KCNN2: variants seen among roughly 807,000 people sequenced by gnomAD.
The protein encoded by KCNN2 is potassium calcium-activated channel subfamily N member 2.
In KCNN2, 24 loss-of-function variants were observed where a neutral mutation model predicts 55.5. That is an observed-to-expected ratio of 0.43 (90% CI 0.31 to 0.61). The LOEUF (loss-of-function observed/expected upper bound fraction) is 0.61. Among genes scored for constraint, KCNN2 ranks in the 20% least tolerant of loss-of-function variants. KCNN2 has a pLI of 0.08. For synonymous variants in KCNN2, 431 were observed against 336.1 expected (o/e 1.28, Z -3.09); for missense variants, 754 against 853.6 (o/e 0.88, Z 1.45).
chr5:114,464,521 T>C (rs1054018836), intron 4 of KCNN2, among the ~76,000 whole-genome samples: 12 of 151,954 alleles, frequency 7.9e-5, no homozygotes, highest in African/African-American at 2.9e-4. Context: ...CAGTGGAGGG[T>C]GCACACCTTT....
At chr5:114,108,723 T>G (rs961674402) in intron 1 of KCNN2, among the ~76,000 whole-genome samples, 2 of 152,082 alleles carry the variant, frequency 1.3e-5, no homozygotes, top group African/African-American at 4.8e-5. Context: ...TATTGTTGAG[T>G]AATATGCCAT....
intron 2 of KCNN2, among the ~76,000 whole-genome samples, chr5:114,241,147 C>G (rs1030254991): frequency 6.6e-6 from 1 of 151,582 alleles, no homozygotes; most frequent in South Asian, 2.1e-4. Context: ...TGAAATATAA[C>G]AAACATATTT....
At chr5:114,204,831 A>G (rs1753738205) in intron 1 of KCNN2, among the ~76,000 whole-genome samples, 1 of 152,224 alleles carries the variant, frequency 6.6e-6, no homozygotes, top group Non-Finnish European at 1.5e-5. Flanking sequence ...TAATCCACTG[A>G]GATTTGGGGT....
At chr5:114,129,342 C>CA (rs1468437635) in intron 1 of KCNN2, among the ~76,000 whole-genome samples, 1 of 152,086 alleles carries the variant, frequency 6.6e-6, no homozygotes, top group Non-Finnish European at 1.5e-5. Flanking sequence ...AAAGAGAATA[C>CA]AAAAAATTTC....
intron 2 of KCNN2, among the ~76,000 whole-genome samples, chr5:114,388,536 T>G (rs1758353855): frequency 6.6e-6 from 1 of 152,138 alleles, no homozygotes; most frequent in Non-Finnish European, 1.5e-5. Flanking sequence ...AATCATATGG[T>G]TATGTTGATA....
chr5:114,201,897 C>T (rs1267892940), intron 1 of KCNN2, among the ~76,000 whole-genome samples: 4 of 151,752 alleles, frequency 2.6e-5, no homozygotes, highest in Non-Finnish European at 5.9e-5. Flanking sequence ...GAGGTCAAGG[C>T]ACCACTCAGC....
Position 114,179,796 on chromosome 5 carries a change from CTTAA to C in KCNN2, c.-270-41679_-270-41676del, listed in dbSNP as rs536102069. Among the ~76,000 whole-genome samples the C allele has an allele frequency of 1.2e-4, 18 of 152,210 alleles. No homozygotes were observed. The South Asian group carries it at 3.7e-3, about 32-fold the overall frequency. ...ATATAGTAGTTTTTAAATTTTTCGT[CTTAA>C]TTAAACACATTTTTGAAATCAAATA... On this transcript the variant is annotated intron_variant, in intron 1 of 10. Transcript: ENST00000512097.
intron 2 of KCNN2, among the ~76,000 whole-genome samples, chr5:114,343,071 A>C (rs1757045588): frequency 6.6e-6 from 1 of 152,210 alleles, no homozygotes; most frequent in East Asian, 1.9e-4. Flanking sequence ...TTTCTCAAGG[A>C]ATCAGTTGTC....
intron 2 of KCNN2, among the ~76,000 whole-genome samples, chr5:114,323,380 C>T (rs1372736490): frequency 6.6e-6 from 1 of 152,128 alleles, no homozygotes; most frequent in East Asian, 1.9e-4. Flanking sequence ...GTACTCATTT[C>T]ATTTTGGTAC....
intron 2 of KCNN2, among the ~76,000 whole-genome samples, chr5:114,229,898 T>A (rs980043353): frequency 1.3e-5 from 2 of 152,046 alleles, no homozygotes; most frequent in African/African-American, 4.8e-5. Context: ...ACCCTAGAAA[T>A]GGACTTAAGC....
At chr5:114,337,886 T>C (rs1756948550) in intron 2 of KCNN2, among the ~76,000 whole-genome samples, 1 of 152,184 alleles carries the variant, frequency 6.6e-6, no homozygotes, top group African/African-American at 2.4e-5. Context: ...TGTTAGTCAT[T>C]AGGCAAAAAA....
intron 5 of KCNN2, among the ~76,000 whole-genome samples, chr5:114,480,100 AAAAT>A (rs1762158440): frequency 6.6e-6 from 1 of 152,116 alleles, no homozygotes; most frequent in African/African-American, 2.4e-5. Flanking sequence ...TGAAAAAATT[AAAAT>A]AAATAGATAG....
rs553220948 is a variant in KCNN2, at chr5:114,476,418, G to A, written c.1890+3254G>A. On this transcript the variant is annotated intron_variant, in intron 5 of 7. Transcript: ENST00000673685. ...TAGGTCTGAGAAATATACTCTAGTA[G>A]GCTTGCTGACAGATCCATTTTTTTT... Among the ~76,000 whole-genome samples the A allele has an allele frequency of 2.6e-5, 4 of 151,930 alleles. No individual in the cohort carries two copies. In the East Asian group the frequency reaches 7.8e-4, roughly 30 times the overall value.
intron 5 of KCNN2, among the ~76,000 whole-genome samples, chr5:114,473,605 G>C (rs1761846988): frequency 6.6e-6 from 1 of 152,186 alleles, no homozygotes; most frequent in Non-Finnish European, 1.5e-5. Flanking sequence ...AGAAGCCCAA[G>C]ATAGGGCCAG....
At chr5:114,433,143 C>T (rs1258805056) in intron 3 of KCNN2, among the ~76,000 whole-genome samples, 2 of 152,234 alleles carry the variant, frequency 1.3e-5, no homozygotes, top group African/African-American at 2.4e-5. Flanking sequence ...CAGCTGGGCT[C>T]CTGAGTCTGG....
At chr5:114,243,135 G>A (rs1326892342) in intron 2 of KCNN2, among the ~76,000 whole-genome samples, 1 of 152,058 alleles carries the variant, frequency 6.6e-6, no homozygotes, top group Non-Finnish European at 1.5e-5. Flanking sequence ...TGCATAAAAA[G>A]CCCTCTAAAT....
chr5:114,461,908 G>A (rs2900085), intron 3 of KCNN2, among the ~76,000 whole-genome samples: 39,217 of 151,924 alleles, frequency 0.26, 5,503 homozygotes, highest in East Asian at 0.56. Flanking sequence ...GATGAGTACC[G>A]CGCAATTATC....
At chr5:114,187,506 CTTTT>C (rs34325633) in intron 1 of KCNN2, among the ~76,000 whole-genome samples, 3 of 126,628 alleles carry the variant, frequency 2.4e-5, no homozygotes, top group East Asian at 2.4e-4. Context: ...GTATCTCTGG[CTTTT>C]TTTTTTTTTT....
At chr5:114,153,436 T>C (rs73779719) in intron 1 of KCNN2, among the ~76,000 whole-genome samples, 97 of 152,264 alleles carry the variant, frequency 6.4e-4, no homozygotes, top group African/African-American at 2.3e-3. Context: ...TTACCCTACT[T>C]ATAAGCATAT....
Sources: gnomAD v4.1 joint callset for allele counts (sites outside exome capture counted in the v4.1 genomes callset) on GRCh38, gnomAD v4.1.1 for gene constraint, MANE v1.5 for transcripts, NCBI Gene and HGNC (gene_info 2026-07-23, HGNC 2026-07-21) for gene names.